Variants in CDKL2 observed in about 807,000 individuals in gnomAD.
The protein encoded by CDKL2 is cyclin dependent kinase like 2, also known as cyclin-dependent kinase-like 2.
In CDKL2, 64 loss-of-function variants were observed where a neutral mutation model predicts 63.9. The ratio of observed to expected loss-of-function variants is 1.00; its 90% CI spans 0.82 to 1.23. The LOEUF is 1.23. CDKL2 is among the 50% of genes most tolerant of loss of function. CDKL2 has a pLI of 0.00. For synonymous variants in CDKL2, 211 were observed against 229.2 expected (o/e 0.92, Z 0.72); for missense variants, 656 against 668.0 (o/e 0.98, Z 0.20).
chr4:75,579,534 G>A (rs998149810), intron 13 of CDKL2, among the ~76,000 whole-genome samples: 5 of 151,834 alleles, frequency 3.3e-5, no homozygotes, highest in African/African-American at 7.3e-5. Flanking sequence ...AAATTAGCCC[G>A]GCATGGTGGC....
chr4:75,588,058 T>C (rs1012053835), intron 12 of CDKL2, among the ~76,000 whole-genome samples: 1 of 147,900 alleles, frequency 6.8e-6, no homozygotes, highest in Non-Finnish European at 1.5e-5. Flanking sequence ...CTACTAAAAA[T>C]ACAAAATTAG....
chr4:75,605,455 AAC>A, intron 5 of CDKL2, 65 bp downstream of exon 5: 3 of 933,196 alleles, frequency 3.2e-6, no homozygotes, highest in Non-Finnish European at 5.0e-6. Context: ...AAAAATCACA[AAC>A]ACACAGGCAC....
At position 75,591,829 on chromosome 4, in the gene CDKL2, G is replaced by C. The variant is rs1469744229; in HGVS notation, c.1637C>G (p.Thr546Arg). 1 of 1,533,200 alleles carries C rather than the reference G, an allele frequency of 6.5e-7. No individual in the cohort carries two copies. Among genetic ancestry groups the C allele is most frequent in the East Asian group, 2.4e-5 (1 of 40,898 alleles). 95.0% of individuals were successfully genotyped at this position (1,533,200 alleles called of 1,614,324 possible). ...AGAGTATTTCTGTACCTGATGTAAT[G>C]TAATACTGGGGGTGTGCAGGTCAAT... ...AAIDLHTPSI[T>R]LHQVSGPPLS... Residue 546 changes from threonine to arginine, a missense_variant, in exon 12 of 14, where the codon ACA becomes AGA. By Grantham distance (71) the Thr-to-Arg change is moderately conservative. Transcript: ENST00000307465.
chr4:75,608,356 C>A (rs1248436315), intron 3 of CDKL2, among the ~76,000 whole-genome samples: 2 of 149,658 alleles, frequency 1.3e-5, no homozygotes, highest in African/African-American at 2.5e-5. Context: ...AACTCCTGAC[C>A]TCAGGTGATC....
chr4:75,627,731 C>CTTTTTTTTTTTTTTTTTTTTT (rs57328528), intron 1 of CDKL2, among the ~76,000 whole-genome samples: 17 of 86,002 alleles, frequency 2.0e-4, no homozygotes, highest in Non-Finnish European at 3.1e-4. Context: ...CTTTTTTTTT[C>CTTTTTTTTTTTTTTTTTTTTT]TTTTTTTTTT....
At chr4:75,610,493 G>A (rs938771164) in intron 3 of CDKL2, among the ~76,000 whole-genome samples, 1 of 152,040 alleles carries the variant, frequency 6.6e-6, no homozygotes, top group African/African-American at 2.4e-5. Flanking sequence ...ACTATGAAAA[G>A]GGTAGGCTCT....
intron 1 of CDKL2, among the ~76,000 whole-genome samples, chr4:75,627,263 T>TTTTGTTTG (rs140943093): frequency 4.9e-4 from 73 of 150,354 alleles, no homozygotes; most frequent in African/African-American, 1.1e-3. Context: ...TGGTGGGGGA[T>TTTTGTTTG]TTTGTTTGTT....
intron 2 of CDKL2, among the ~76,000 whole-genome samples, chr4:75,619,560 AT>A (rs1306145559): frequency 8.2e-6 from 1 of 121,970 alleles, no homozygotes; most frequent in Non-Finnish European, 1.6e-5. Context: ...CCACATGGTG[AT>A]GGGCTCACAG....
At position 75,614,129 on chromosome 4, in the gene CDKL2, G is replaced by A. The variant is rs1729823183; in HGVS notation, c.363+126C>T. On this transcript the variant is annotated intron_variant, in intron 3 of 13. Coordinates refer to ENST00000307465, the MANE Select transcript of CDKL2 (RefSeq NM_001330724.2). ...AACTCCAATTAATAGATGCACAGATGAAGTATTTAGTGTTAAAGTATACTG... is the reference window on the plus strand; with the variant it reads ...AACTCCAATTAATAGATGCACAGATAAAGTATTTAGTGTTAAAGTATACTG... The A allele has an allele frequency of 2.2e-5, 13 of 580,346 alleles. No individual in the cohort carries two copies. In the East Asian group the frequency reaches 4.0e-4, roughly 18 times the overall value. The allele number at this position is 580,346 out of a possible 1,614,324, so 35.9% of individuals were successfully genotyped here. A position where few individuals can be genotyped will look rare whatever the true frequency, so the allele number is the denominator to read the frequency against.
At chr4:75,587,136 AT>A (rs1728511701) in intron 12 of CDKL2, among the ~76,000 whole-genome samples, 1 of 152,240 alleles carries the variant, frequency 6.6e-6, no homozygotes, top group East Asian at 1.9e-4. Context: ...AGGAATAATC[AT>A]CACAGTCCTT....
rs902667508 is a variant in CDKL2 at position 75,593,398 on chromosome 4, C to T, written c.1417-1129G>A. On this transcript the variant is annotated intron_variant, in intron 10 of 13. Transcript: ENST00000307465. ...ATGGGAGAGAGGTATTGATCTTTAA[C>T]ATACAAGTTGAAGAAAGTCTAGGCT... Among the ~76,000 whole-genome samples, 26 of 152,070 alleles carry T rather than the reference C, an allele frequency of 1.7e-4. 1 individual carries two copies. Among genetic ancestry groups the T allele is most frequent in the Admixed American group, 1.6e-3 (25 of 15,262 alleles).
rs757247037 is a variant in CDKL2 at position 75,581,878 on chromosome 4, T to C, written c.1668A>G (p.Ser556=). The C allele has an allele frequency of 6.2e-7, 1 of 1,611,952 alleles. No homozygotes were observed. The highest frequency in any genetic ancestry group is 1.1e-5 in the South Asian group (1 of 90,898). ...TLHQVSGPPL[S]DDSGADLPQM... is the part of the protein sequence containing the mutation. ...GAGGCAAATCAGCCCCTGAATCATC[T>C]GACAGGGGAGGTCCTGATACCTATA... The change falls in exon 13 of 14, where the codon TCA becomes TCG. Residue 556 remains serine (S), a synonymous_variant. Transcript: ENST00000307465.
At chr4:75,625,368 TAA>T (rs1271757964) in intron 2 of CDKL2, among the ~76,000 whole-genome samples, 5 of 151,982 alleles carry the variant, frequency 3.3e-5, no homozygotes, top group African/African-American at 1.2e-4. Context: ...AAGAAAAATA[TAA>T]GAGAAATGAG....
intron 12 of CDKL2, among the ~76,000 whole-genome samples, chr4:75,585,724 C>A (rs545807455): frequency 4.5e-4 from 68 of 152,114 alleles, no homozygotes; most frequent in African/African-American, 1.5e-3. Flanking sequence ...AGGTCAAGAC[C>A]AGCGTGGGCA....
At position 75,607,181 on chromosome 4, in the gene CDKL2, A is replaced by C. The variant is rs912070929; in HGVS notation, c.542+2T>G. The C allele has an allele frequency of 1.9e-6, 3 of 1,603,034 alleles. No homozygotes were observed. The highest frequency in any genetic ancestry group is 1.7e-5 in the Admixed American group (1 of 58,664). On this transcript the variant is annotated splice_donor_variant, in intron 4 of 13. Coordinates refer to ENST00000307465, the MANE Select transcript of CDKL2 (RefSeq NM_001330724.2). LOFTEE classifies it high-confidence loss of function. ...TACTCCTCCCCATTACTGATGTCTT[A>C]CTTGCCATACTTGACATCACCAACC...
At chr4:75,582,953 T>C (rs1728322214) in intron 12 of CDKL2, among the ~76,000 whole-genome samples, 1 of 152,136 alleles carries the variant, frequency 6.6e-6, no homozygotes, top group South Asian at 2.1e-4. Context: ...CAATAAAATA[T>C]ACTTCAAGAA....
intron 2 of CDKL2, among the ~76,000 whole-genome samples, chr4:75,625,368 TAAGAG>T (rs1730352613): frequency 1.3e-5 from 2 of 151,982 alleles, no homozygotes; most frequent in Admixed American, 6.6e-5. Flanking sequence ...AAGAAAAATA[TAAGAG>T]AAATGAGAAA....
chr4:75,602,689 T>C (rs1305078419), intron 6 of CDKL2, among the ~76,000 whole-genome samples: 2 of 151,874 alleles, frequency 1.3e-5, no homozygotes, highest in African/African-American at 4.8e-5. Context: ...GCCCAGCTAA[T>C]TTTTTTGTAT....
chr4:75,608,996 G>GAA (rs5859470), intron 3 of CDKL2, among the ~76,000 whole-genome samples: 36 of 120,852 alleles, frequency 3.0e-4, no homozygotes, highest in Non-Finnish European at 3.9e-4. Flanking sequence ...TCCATCTCAA[G>GAA]AAAAAAAAAA....
Sources: allele counts gnomAD v4.1 joint callset (sites outside exome capture counted in the v4.1 genomes callset), GRCh38; gene constraint gnomAD v4.1.1; transcripts MANE v1.5; gene names NCBI Gene and HGNC (gene_info 2026-07-23, HGNC 2026-07-21).